The following FARS2 variants were observed in gnomAD, a reference collection of about 807,000 sequenced individuals.
The protein encoded by FARS2 is phenylalanyl-tRNA synthetase 2, mitochondrial.
A neutral mutation model predicts 46.4 loss-of-function variants in FARS2; 40 were observed. The observed-to-expected ratio is 0.86, with a 90% confidence interval of 0.67 to 1.12. The LOEUF (loss-of-function observed/expected upper bound fraction) is 1.12. Ranked by LOEUF, FARS2 falls within the 50% of genes most tolerant of loss-of-function variation. FARS2 has a pLI of 0.00. For missense variants in FARS2, 513 were observed against 567.9 expected (o/e 0.90, Z 0.98); for synonymous variants, 234 against 214.9 (o/e 1.09, Z -0.78).
At chr6:5,262,590 G>A (rs1446892149) in intron 1 of FARS2, among the ~76,000 whole-genome samples, 1 of 152,044 alleles carries the variant, frequency 6.6e-6, no homozygotes, top group Non-Finnish European at 1.5e-5. Context: ...CTATTTTCAG[G>A]AACTTTAAAG....
intron 2 of FARS2, among the ~76,000 whole-genome samples, chr6:5,375,634 G>A (rs1390787118): frequency 6.6e-6 from 1 of 151,986 alleles, no homozygotes. Flanking sequence ...TTTAGTAATG[G>A]CACAAGGTTA....
In FARS2 at chr6:5,454,338, A is replaced by AATTTATTT. The variant is rs544241504; in HGVS notation, c.904+23180_904+23187dup. ...AAAATATCAACACTTGTTTTTTTAAAATTTATTTATTTATTTATTTAGAGA... is the reference window on the plus strand; with the variant it reads ...AAAATATCAACACTTGTTTTTTTAAAATTTATTTATTTATTTATTTATTTATTTAGAGA... On this transcript the variant is annotated intron_variant, in intron 4 of 6. Transcript: ENST00000274680. 1.0e-2 allele frequency among the ~76,000 whole-genome samples: 1,512 copies of AATTTATTT among 151,460 alleles called. 31 individuals carry two copies. Among genetic ancestry groups the AATTTATTT allele is most frequent in the African/African-American group, 0.035 (1,438 of 41,236 alleles).
chr6:5,556,879 A>G (rs1385940419), intron 5 of FARS2, among the ~76,000 whole-genome samples: 2 of 152,128 alleles, frequency 1.3e-5, no homozygotes, highest in Non-Finnish European at 2.9e-5. Flanking sequence ...AATCTTGCCA[A>G]CAGTCTATAA....
At chr6:5,505,907 G>T (rs531825151) in intron 4 of FARS2, among the ~76,000 whole-genome samples, 44 of 152,300 alleles carry the variant, frequency 2.9e-4, no homozygotes, top group Non-Finnish European at 4.7e-4. Context: ...TTTTGCTATT[G>T]TAAATTTAAG....
chr6:5,270,108 T>C (rs1328785812), intron 1 of FARS2, among the ~76,000 whole-genome samples: 2 of 152,208 alleles, frequency 1.3e-5, no homozygotes, highest in Non-Finnish European at 2.9e-5. Flanking sequence ...GAGAATTATC[T>C]TTTTTTAAAT....
intron 6 of FARS2, among the ~76,000 whole-genome samples, chr6:5,683,108 A>G (rs1209942364): frequency 6.6e-6 from 1 of 152,226 alleles, no homozygotes; most frequent in African/African-American, 2.4e-5. Flanking sequence ...GGGGTGGGAC[A>G]GATTTACTCA....
chr6:5,277,880 A>G (rs771168377), intron 1 of FARS2, among the ~76,000 whole-genome samples: 1 of 152,212 alleles, frequency 6.6e-6, no homozygotes, highest in Admixed American at 6.5e-5. Flanking sequence ...TTTAAGGAAT[A>G]TCACTGTACC....
intron 5 of FARS2, chr6:5,609,845 G>A (rs978560227): frequency 2.8e-6 from 3 of 1,064,756 alleles, no homozygotes; most frequent in African/African-American, 3.1e-5. Flanking sequence ...TCTCTTAGGT[G>A]ATGTTCTTCA....
At chr6:5,255,484 T>C in the FARS2 span, among the ~76,000 whole-genome samples, 1 of 143,078 alleles carries the variant, frequency 7.0e-6, no homozygotes, top group East Asian at 2.0e-4. Flanking sequence ...CACTTTAAAA[T>C]AGGTGTTTTT....
intron 4 of FARS2, among the ~76,000 whole-genome samples, chr6:5,498,865 A>G (rs901819608): frequency 2.0e-5 from 3 of 152,230 alleles, no homozygotes; most frequent in Non-Finnish European, 4.4e-5. Context: ...CTAGAAATTG[A>G]AACAAGGCAG....
intron 4 of FARS2, among the ~76,000 whole-genome samples, chr6:5,488,010 G>C (rs543918492): frequency 1.3e-5 from 2 of 152,334 alleles, no homozygotes; most frequent in South Asian, 4.1e-4. Context: ...CCTTGAAGCA[G>C]TGTTCTTTGC....
rs532983368 is a variant in FARS2, at chr6:5,380,935, A to G, written c.612+11753A>G. On this transcript the variant is annotated intron_variant, in intron 2 of 6. Transcript: ENST00000274680. ...TTTAGTTTTTATAGAAACTTTATATAATCTTATATAAGATCAATAGTAGTT... is the reference window on the plus strand; with the variant it reads ...TTTAGTTTTTATAGAAACTTTATATGATCTTATATAAGATCAATAGTAGTT... Among the ~76,000 whole-genome samples, 10 of 151,928 alleles carry G rather than the reference A, an allele frequency of 6.6e-5. No individual in the cohort carries two copies. The South Asian group carries it at 1.9e-3, about 28-fold the overall frequency.
chr6:5,744,437 A>G (rs1481177206), intron 6 of FARS2, among the ~76,000 whole-genome samples: 1 of 152,224 alleles, frequency 6.6e-6, no homozygotes, highest in Non-Finnish European at 1.5e-5. Context: ...CCTCTGAGAT[A>G]AGTACCGTTA....
intron 2 of FARS2, among the ~76,000 whole-genome samples, chr6:5,387,564 T>C (rs1760216517): frequency 2.0e-5 from 3 of 152,228 alleles, no homozygotes. Flanking sequence ...CTGAAGTTAA[T>C]TGGAGAGAAC....
chr6:5,250,989 G>A, the FARS2 span, among the ~76,000 whole-genome samples: 1 of 152,164 alleles, frequency 6.6e-6, no homozygotes, highest in African/African-American at 2.4e-5. Flanking sequence ...TGTCTCCTCA[G>A]CCCCAGTACA....
At chr6:5,526,275 T>G (rs763502631) in intron 4 of FARS2, among the ~76,000 whole-genome samples, 2 of 152,232 alleles carry the variant, frequency 1.3e-5, no homozygotes, top group Non-Finnish European at 2.9e-5. Context: ...AATTATGTTT[T>G]GGATAATGAT....
chr6:5,741,283 C>T (rs1337534010), intron 6 of FARS2, among the ~76,000 whole-genome samples: 1 of 152,196 alleles, frequency 6.6e-6, no homozygotes, highest in Non-Finnish European at 1.5e-5. Flanking sequence ...CAGAGAGTTA[C>T]CCTATGCTGA....
chr6:5,464,425 T>G (rs1726749205), intron 4 of FARS2, among the ~76,000 whole-genome samples: 1 of 152,220 alleles, frequency 6.6e-6, no homozygotes, highest in Admixed American at 6.5e-5. Flanking sequence ...GGCTGTCTTC[T>G]AGCTTATTCC....
intron 6 of FARS2, among the ~76,000 whole-genome samples, chr6:5,642,624 C>CA (rs1278254027): frequency 0.042 from 6,168 of 147,500 alleles, 407 homozygotes; most frequent in African/African-American, 0.14. Flanking sequence ...TTTTAAATGT[C>CA]AAAAAAAAAA....
Sources: allele counts gnomAD v4.1 joint callset (sites outside exome capture counted in the v4.1 genomes callset), GRCh38; gene constraint gnomAD v4.1.1; transcripts MANE v1.5; gene names NCBI Gene and HGNC (gene_info 2026-07-23, HGNC 2026-07-21).